Variants in PRTG observed in about 807,000 individuals in gnomAD.
PRTG encodes the protein immunoglobulin superfamily, DCC subclass, member 5.
PRTG carries 67 observed loss-of-function variants against 122.5 expected under a neutral mutation model. That is an observed-to-expected ratio of 0.55 (90% CI 0.45 to 0.67). The LOEUF (loss-of-function observed/expected upper bound fraction) is 0.67. Among genes scored for constraint, PRTG ranks in the 30% least tolerant of loss-of-function variants. The pLI is 0.00. For missense variants in PRTG, 1,435 were observed against 1,415.4 expected (o/e 1.01, Z -0.22); for synonymous variants, 554 against 501.1 (o/e 1.11, Z -1.41).
chr15:55,713,485 T>C (rs2030473706), intron 2 of PRTG, among the ~76,000 whole-genome samples: 1 of 152,218 alleles, frequency 6.6e-6, no homozygotes, highest in Non-Finnish European at 1.5e-5. Context: ...TGCCTAGACA[T>C]GAAAAGGTTA....
At chr15:55,664,573 A>G (rs1461449163) in intron 11 of PRTG, among the ~76,000 whole-genome samples, 3 of 152,182 alleles carry the variant, frequency 2.0e-5, no homozygotes, top group African/African-American at 7.2e-5. Flanking sequence ...TCTAATCTAA[A>G]TTTAGAAATT....
intron 11 of PRTG, among the ~76,000 whole-genome samples, chr15:55,663,208 A>C (rs1306533052): frequency 6.6e-6 from 1 of 152,174 alleles, no homozygotes; most frequent in Non-Finnish European, 1.5e-5. Context: ...AGCAATCTAA[A>C]TGTCTAGGAG....
intron 11 of PRTG, among the ~76,000 whole-genome samples, chr15:55,656,907 G>T (rs972215184): frequency 1.3e-5 from 2 of 152,274 alleles, no homozygotes; most frequent in South Asian, 4.1e-4. Flanking sequence ...GTTTGACACT[G>T]AGGACAATAA....
In PRTG at chr15:55,682,403, G is replaced by A. The variant is rs770502904; in HGVS notation, c.637C>T (p.Arg213Ter). Residue 213 changes from arginine to a stop codon, truncating the protein, a stop_gained, in exon 4 of 20, where the codon CGA becomes TGA. Transcript: ENST00000389286. LOFTEE classifies it high-confidence loss of function. Reference sequence around the variant, plus strand: ...AGCGAGGCCTCCATACTTTTACGTCGGTGGGCTACAGTGGCAGCAATACAA... The same window carrying A: ...AGCGAGGCCTCCATACTTTTACGTCAGTGGGCTACAGTGGCAGCAATACAA... ...YRCIAATVAHRRKSMEASLTV... is the reference protein window; with the variant it reads ...YRCIAATVAH 5.0e-6 allele frequency: 8 copies of A among 1,605,052 alleles called. No homozygotes were observed. The highest frequency in any genetic ancestry group is 6.8e-6 in the Non-Finnish European group (8 of 1,174,852).
chr15:55,622,861 T>TA (rs2059174622), intron 18 of PRTG, among the ~76,000 whole-genome samples: 1 of 152,198 alleles, frequency 6.6e-6, no homozygotes, highest in Non-Finnish European at 1.5e-5. Context: ...TAAGCTCATT[T>TA]AAAAGTTTTA....
intron 15 of PRTG, among the ~76,000 whole-genome samples, chr15:55,631,095 G>C (rs1454631398): frequency 1.3e-5 from 2 of 152,132 alleles, no homozygotes; most frequent in African/African-American, 2.4e-5. Context: ...AACACAACTT[G>C]TTTTCATGTT....
At position 55,688,111 on chromosome 15, in the gene PRTG, C is replaced by T. The variant is rs142831024; in HGVS notation, c.398-4180G>A. On this transcript the variant is annotated intron_variant, in intron 2 of 19. Coordinates refer to ENST00000389286, the MANE Select transcript of PRTG (RefSeq NM_173814.6). ...TGTCTTTACATCACGTTACGTGATC[C>T]GTCTAGCAGCTATCTGCTCTCCTCC... Among the ~76,000 whole-genome samples, 761 of 152,330 alleles carry T rather than the reference C, an allele frequency of 5.0e-3. 2 individuals carry two copies. Among genetic ancestry groups the T allele is most frequent in the Middle Eastern group, 0.034 (10 of 294 alleles).
chr15:55,671,438 T>C (rs2059470784), intron 11 of PRTG, among the ~76,000 whole-genome samples: 1 of 152,262 alleles, frequency 6.6e-6, no homozygotes, highest in Admixed American at 6.5e-5. Context: ...TAGCTAAGTG[T>C]ACATTTTATA....
At chr15:55,673,006 G>A (rs2059481587) in intron 10 of PRTG, among the ~76,000 whole-genome samples, 1 of 152,048 alleles carries the variant, frequency 6.6e-6, no homozygotes, top group African/African-American at 2.4e-5. Context: ...TAAAACAGAA[G>A]GGTCTAGAAT....
chr15:55,644,195 C>A (rs2059308090), intron 11 of PRTG, among the ~76,000 whole-genome samples: 1 of 152,114 alleles, frequency 6.6e-6, no homozygotes, highest in African/African-American at 2.4e-5. Flanking sequence ...TTAGGAAAGC[C>A]TCCAGAATAT....
intron 11 of PRTG, among the ~76,000 whole-genome samples, chr15:55,652,579 C>A (rs1489571597): frequency 6.6e-6 from 1 of 152,034 alleles, no homozygotes; most frequent in African/African-American, 2.4e-5. Flanking sequence ...AGCGGTACGG[C>A]CTGCTCTGAC....
intron 11 of PRTG, among the ~76,000 whole-genome samples, chr15:55,671,503 T>C (rs78047513): frequency 6.6e-6 from 1 of 151,962 alleles, no homozygotes; most frequent in Non-Finnish European, 1.5e-5. Flanking sequence ...TTTTCTTTTT[T>C]CTTTTTTTTG....
At chr15:55,713,544 G>T (rs1352680088) in intron 2 of PRTG, among the ~76,000 whole-genome samples, 1 of 152,128 alleles carries the variant, frequency 6.6e-6, no homozygotes, top group African/African-American at 2.4e-5. Flanking sequence ...CTCTAAAATA[G>T]TTCCACCAGT....
chr15:55,660,654 A>G (rs1019673530), intron 11 of PRTG, among the ~76,000 whole-genome samples: 40 of 152,226 alleles, frequency 2.6e-4, no homozygotes, highest in African/African-American at 9.6e-4. Context: ...GTTTGGGCCT[A>G]CCAGACAATC....
At chr15:55,734,378 A>AG (rs200878937) in intron 2 of PRTG, among the ~76,000 whole-genome samples, 719 of 152,244 alleles carry the variant, frequency 4.7e-3, no homozygotes, top group African/African-American at 0.016. Flanking sequence ...AGCAACATTA[A>AG]GGGAAAAAAA....
intron 11 of PRTG, among the ~76,000 whole-genome samples, chr15:55,660,759 A>G (rs2059405407): frequency 6.6e-6 from 1 of 152,228 alleles, no homozygotes; most frequent in Non-Finnish European, 1.5e-5. Context: ...CAAAAAAATA[A>G]AGCAGTAAAA....
At chr15:55,620,318 C>T (rs370298384) in intron 19 of PRTG, 52 bp from the exon 20 acceptor site, 75 of 1,586,926 alleles carry the variant, frequency 4.7e-5, no homozygotes, top group African/African-American at 1.9e-4. Context: ...ATCGAATCCA[C>T]GAGCAAAAGC....
chr15:55,707,139 A>C (rs1231405536), intron 2 of PRTG, among the ~76,000 whole-genome samples: 3 of 152,244 alleles, frequency 2.0e-5, no homozygotes, highest in African/African-American at 7.2e-5. Context: ...GGTGATGTGG[A>C]ATATCAAACC....
chr15:55,690,813 T>C (rs1170834179), intron 2 of PRTG, among the ~76,000 whole-genome samples: 1 of 152,198 alleles, frequency 6.6e-6, no homozygotes, highest in African/African-American at 2.4e-5. Flanking sequence ...ATTGAGCACA[T>C]TACATATTCC....
Sources: gnomAD v4.1 joint callset for allele counts (sites outside exome capture counted in the v4.1 genomes callset) on GRCh38, gnomAD v4.1.1 for gene constraint, MANE v1.5 for transcripts, NCBI Gene and HGNC (gene_info 2026-07-23, HGNC 2026-07-21) for gene names.